The following MIA3 variants were observed in gnomAD, a reference collection of about 807,000 sequenced individuals.
MIA3 encodes the protein MIA SH3 domain ER export factor 3, also known as transport and Golgi organization protein 1 homolog.
Under a neutral mutation model 192.4 loss-of-function variants are expected in MIA3, and 90 were observed. The ratio of observed to expected loss-of-function variants is 0.47; its 90% CI spans 0.39 to 0.56. The LOEUF (loss-of-function observed/expected upper bound fraction) is 0.56. Among genes scored for constraint, MIA3 ranks in the 20% least tolerant of loss-of-function variants. The pLI is 0.00. For synonymous variants in MIA3, 740 were observed against 792.8 expected, an observed-to-expected ratio of 0.93 and a Z score of 1.12; for missense variants, 2,123 against 2,269.4, an observed-to-expected ratio of 0.94 and a Z score of 1.31.
Position 222,632,155 on chromosome 1 carries a change from C to T in MIA3, c.3170-10C>T, listed in dbSNP as rs1433571776. 1.2e-6 allele frequency: 2 copies of T among 1,612,978 alleles called. No homozygotes were observed. Among genetic ancestry groups the T allele is most frequent in the South Asian group, 2.2e-5 (2 of 90,966 alleles). ...AGCTGTGCTAGCCCAGTGTATTCTT[C>T]TCACCCTAGAGATGCAACCACTGCA... On this transcript the variant is annotated splice_polypyrimidine_tract_variant and intron_variant, in intron 4 of 27. Coordinates refer to ENST00000344922, the MANE Select transcript of MIA3 (RefSeq NM_198551.4).
At chr1:222,663,502 A>G (rs1664128007) in intron 26 of MIA3, among the ~76,000 whole-genome samples, 1 of 152,182 alleles carries the variant, frequency 6.6e-6, no homozygotes, top group Non-Finnish European at 1.5e-5. Context: ...TTAGAACAAG[A>G]TGGTCCTATT....
chr1:222,622,401 T>A (rs1257639425), intron 2 of MIA3, among the ~76,000 whole-genome samples: 1 of 152,170 alleles, frequency 6.6e-6, no homozygotes, highest in Non-Finnish European at 1.5e-5. Context: ...TTTAGGATTG[T>A]CCCAACTTAG....
intron 6 of MIA3, among the ~76,000 whole-genome samples, chr1:222,637,519 CTTTT>C (rs953558058): frequency 1.2e-4 from 18 of 152,028 alleles, no homozygotes; most frequent in African/African-American, 4.3e-4. Context: ...ATATTTGATT[CTTTT>C]TGTTTATTTA....
In MIA3 at chr1:222,662,348, T is replaced by C; in HGVS notation, c.5262+16T>C. On this transcript the variant is annotated intron_variant, in intron 26 of 27. Transcript: ENST00000344922. ...TGAAGGCAAGGTAAATGCACCCATT[T>C]TGAATAATTAGTTATTTCAGGAACA... 6.2e-7 allele frequency: 1 copy of C among 1,609,198 alleles called. No individual in the cohort carries two copies. The highest frequency in any genetic ancestry group is 1.7e-5 in the Admixed American group (1 of 60,024).
chr1:222,624,890 AGTTG>A, intron 3 of MIA3, 36 bp downstream of exon 3: 2 of 1,287,082 alleles, frequency 1.6e-6, no homozygotes, highest in Non-Finnish European at 2.2e-6. Flanking sequence ...CTCAGTTATA[AGTTG>A]GCTTATAAGT....
Position 222,628,511 on chromosome 1 carries a change from G to A in MIA3, c.1291G>A (p.Ala431Thr). The change falls in exon 4 of 28, where the codon GCA (alanine) becomes ACA (threonine). Residue 431 changes from alanine (A) to threonine (T), a missense_variant. Transcript: ENST00000344922. ...TAGCAAACAGGGGAAACCACAGTCAGCAACAGATTATAGTGACCCTGACAA... is the reference window on the plus strand; with the variant it reads ...TAGCAAACAGGGGAAACCACAGTCAACAACAGATTATAGTGACCCTGACAA... Reference protein sequence around the residue: ...PDSKQGKPQSATDYSDPDNVD... With the variant: ...PDSKQGKPQSTTDYSDPDNVD... 6.2e-7 allele frequency: 1 copy of A among 1,613,916 alleles called. No individual in the cohort carries two copies.
At chr1:222,644,274 C>T (rs1005328732) in intron 6 of MIA3, 6 of 1,391,300 alleles carry the variant, frequency 4.3e-6, no homozygotes, top group Middle Eastern at 2.7e-4. Flanking sequence ...CCTTTGGTGC[C>T]TTGAGGTGCG....
intron 11 of MIA3, among the ~76,000 whole-genome samples, chr1:222,651,200 T>C (rs555194186): frequency 1.4e-3 from 203 of 150,296 alleles, no homozygotes; most frequent in Non-Finnish European, 2.4e-3. Flanking sequence ...TGTTTTGTTT[T>C]GTTTTGCAAA....
chr1:222,649,923 T>C, intron 8 of MIA3: 1 of 241,932 alleles, frequency 4.1e-6, no homozygotes, highest in South Asian at 5.1e-5. Context: ...CCATCTTACA[T>C]GGTGGGAGCA....
At position 222,633,108 on chromosome 1, in the gene MIA3, A is replaced by G; in HGVS notation, c.3336A>G (p.Pro1112=). 2 of 1,587,012 alleles carry G rather than the reference A, an allele frequency of 1.3e-6. No individual in the cohort carries two copies. Among genetic ancestry groups the G allele is most frequent in the Non-Finnish European group, 1.7e-6 (2 of 1,171,516 alleles). ...TATCTTTCCTCCCAATTCCAGGGCC[A>G]GTTACAACAGAAGACACTCCTATGG... ...PNTEKDLDPG[P]VTTEDTPMDA... The change falls in exon 6 of 28, where the codon CCA becomes CCG. Residue 1112 remains proline, a synonymous_variant. Transcript: ENST00000344922.
chr1:222,629,053 G>A lies in MIA3; in HGVS notation c.1833G>A (p.Val611=). ...VNGAKLHTLS[V]EHQREELKEE... is the part of the protein sequence containing the mutation. Reference sequence around the variant, plus strand: ...GGGCCAAACTGCACACGCTTTCAGTGGAGCATCAACGTGAGGAATTGAAAG... The same window carrying A: ...GGGCCAAACTGCACACGCTTTCAGTAGAGCATCAACGTGAGGAATTGAAAG... The change falls in exon 4 of 28, where the codon GTG becomes GTA. Residue 611 remains valine (V), a synonymous_variant. Transcript: ENST00000344922. 6.2e-7 allele frequency: 1 copy of A among 1,614,180 alleles called. No individual in the cohort carries two copies.
At chr1:222,645,051 T>G (rs1390606359) in intron 6 of MIA3, among the ~76,000 whole-genome samples, 1 of 152,156 alleles carries the variant, frequency 6.6e-6, no homozygotes, top group Non-Finnish European at 1.5e-5. Flanking sequence ...CCGAACTTAG[T>G]CAGCATTTGT....
At position 222,665,312 on chromosome 1, in the gene MIA3, C is replaced by G; in HGVS notation, c.5417C>G (p.Pro1806Arg). Residue 1806 changes from proline (P) to arginine (R), a missense_variant, in exon 28 of 28, where the codon CCT (proline) becomes CGT (arginine). Coordinates refer to ENST00000344922, the MANE Select transcript of MIA3 (RefSeq NM_198551.4). ...GGAAATAATTTTTGTTTTCCAGGCCCTGGTATGCGTCCACCACTAGGCTTA... is the reference window on the plus strand; with the variant it reads ...GGAAATAATTTTTGTTTTCCAGGCCGTGGTATGCGTCCACCACTAGGCTTA... ...GPRPLPPPFGPGMRPPLGLRE... is the reference protein window; with the variant it reads ...GPRPLPPPFGRGMRPPLGLRE... 6.3e-7 allele frequency: 1 copy of G among 1,589,874 alleles called. No homozygotes were observed. The highest frequency in any genetic ancestry group is 8.5e-7 in the Non-Finnish European group (1 of 1,170,274).
rs969106352 is a variant in MIA3, at chr1:222,645,429, A to G, written c.3478-125A>G. 37 of 786,018 alleles carry G rather than the reference A, an allele frequency of 4.7e-5. No individual in the cohort carries two copies. In the African/African-American group the frequency reaches 4.8e-4, roughly 10 times the overall value. 48.7% of individuals were successfully genotyped at this position (786,018 alleles called of 1,614,324 possible). A position where few individuals can be genotyped will look rare whatever the true frequency, so the allele number is the denominator to read the frequency against. Reference sequence around the variant, plus strand: ...CTTAAAGCAGTGAGAGCTACTGAAGATTTTTGAGGGGATAGGTATCTGATA... The same window carrying G: ...CTTAAAGCAGTGAGAGCTACTGAAGGTTTTTGAGGGGATAGGTATCTGATA... On this transcript the variant is annotated intron_variant, in intron 6 of 27. Coordinates refer to ENST00000344922, the MANE Select transcript of MIA3 (RefSeq NM_198551.4).
rs1166899518 is a variant in MIA3, at chr1:222,653,000, C to T, written c.4087-8C>T. 1.2e-6 allele frequency: 2 copies of T among 1,608,078 alleles called. No individual in the cohort carries two copies. Among genetic ancestry groups the T allele is most frequent in the African/African-American group, 2.7e-5 (2 of 74,850 alleles). ...AACCTGTGGGAATCATGTGTTTTAA[C>T]TTTGCAGTTGCAGCAGGAAATCGAA... On this transcript the variant is annotated splice_polypyrimidine_tract_variant and splice_region_variant and intron_variant, in intron 13 of 27. Coordinates refer to ENST00000344922, the MANE Select transcript of MIA3 (RefSeq NM_198551.4).
In MIA3 at chr1:222,628,467, A is replaced by G. The variant is rs1192184613; in HGVS notation, c.1247A>G (p.Asp416Gly). Residue 416 changes from aspartate (D) to glycine (G), a missense_variant, in exon 4 of 28, where the codon GAT (aspartate) becomes GGT (glycine). By Grantham distance (94) the Asp-to-Gly change is moderately conservative. This residue lies in a region of MIA3 where 1,357 missense variants were observed against 1,396.1 expected (regional missense o/e 0.97). Transcript: ENST00000344922. ...TCAGAGGAAGAAAAAGAAGATGATG[A>G]TGATGCATTAGTCCCAGATAGCAAA... Reference protein sequence around the residue: ...SSSEEEKEDDDDALVPDSKQG... With the variant: ...SSSEEEKEDDGDALVPDSKQG... 6.2e-7 allele frequency: 1 copy of G among 1,612,770 alleles called. No homozygotes were observed. The highest frequency in any genetic ancestry group is 1.3e-5 in the African/African-American group (1 of 74,874).
chr1:222,643,569 T>A (rs900170973), intron 6 of MIA3, among the ~76,000 whole-genome samples: 2 of 152,160 alleles, frequency 1.3e-5, no homozygotes, highest in African/African-American at 4.8e-5. Context: ...ACAGATACCA[T>A]TTTTTCCCCA....
At position 222,629,035 on chromosome 1, in the gene MIA3, A is replaced by T; in HGVS notation, c.1815A>T (p.Lys605Asn). The T allele has an allele frequency of 1.2e-6, 2 of 1,614,232 alleles. No homozygotes were observed. The highest frequency in any genetic ancestry group is 1.1e-5 in the South Asian group (1 of 91,088). Residue 605 changes from lysine (K) to asparagine (N), a missense_variant, in exon 4 of 28, where the codon AAA (lysine) becomes AAT (asparagine). Physicochemically the swap from Lys to Asn is moderately conservative, Grantham distance 94 (BLOSUM62 0). Around this residue, in one of 3 missense-constraint regions of MIA3, gnomAD observed 1,357 missense variants for 1,396.1 expected, o/e 0.97. Transcript: ENST00000344922. ...GAGACGCTTTGGTAAATGGGGCCAA[A>T]CTGCACACGCTTTCAGTGGAGCATC... ...VEGDALVNGA[K>N]LHTLSVEHQR...
chr1:222,621,805 G>GTTTTTT (rs1558169646), intron 2 of MIA3, among the ~76,000 whole-genome samples: 1 of 102,852 alleles, frequency 9.7e-6, no homozygotes, highest in African/African-American at 2.7e-5. Flanking sequence ...GTGCTTTCTT[G>GTTTTTT]TTTGTTTGTT....
Sources: allele counts gnomAD v4.1 joint callset (sites outside exome capture counted in the v4.1 genomes callset), GRCh38; gene constraint gnomAD v4.1.1; regional missense constraint gnomAD v4.1.1; transcripts MANE v1.5; gene names NCBI Gene and HGNC (gene_info 2026-07-23, HGNC 2026-07-21).